The following MTNAP1 variants were observed in gnomAD, a reference collection of about 807,000 sequenced individuals.
MTNAP1 encodes the protein mitochondrial nucleoid associated protein 1, also known as mitochondrial nucleoid-associated protein 1.
the MTNAP1 span, among the ~76,000 whole-genome samples, chr17:73,239,238 C>G: frequency 1.6e-4 from 25 of 151,984 alleles, no homozygotes; most frequent in South Asian, 4.8e-3. Flanking sequence ...GTCCAGCCTT[C>G]TGTGTTTTTC....
chr17:73,232,692 C>A, the MTNAP1 span: 1 of 196,422 alleles, frequency 5.1e-6, no homozygotes, highest in Non-Finnish European at 1.0e-5. Flanking sequence ...GTCGCCGGGG[C>A]CGCCTGGGCT....
the MTNAP1 span, chr17:73,248,593 T>C: frequency 6.6e-7 from 1 of 1,516,228 alleles, no homozygotes; most frequent in Non-Finnish European, 9.0e-7. Context: ...CATATTCACC[T>C]TCCCATCCAT....
the MTNAP1 span, chr17:73,248,248 C>T: frequency 2.1e-6 from 1 of 486,946 alleles, no homozygotes; most frequent in Non-Finnish European, 3.7e-6. Flanking sequence ...CAAGACTCCT[C>T]AGAACGAATA....
At chr17:73,246,510 T>C in the MTNAP1 span, among the ~76,000 whole-genome samples, 9 of 152,202 alleles carry the variant, frequency 5.9e-5, no homozygotes, top group African/African-American at 1.9e-4. Context: ...CATTCCAGCC[T>C]GGGTGATGGA....
At chr17:73,246,001 C>G in the MTNAP1 span, among the ~76,000 whole-genome samples, 1 of 152,086 alleles carries the variant, frequency 6.6e-6, no homozygotes, top group African/African-American at 2.4e-5. Flanking sequence ...TCAAACTATT[C>G]AGTGTCTGAT....
chr17:73,233,764 G>A, the MTNAP1 span, among the ~76,000 whole-genome samples: 1 of 152,080 alleles, frequency 6.6e-6, no homozygotes, highest in Admixed American at 6.6e-5. Context: ...TCCCAGCCAC[G>A]CGGGAGGCTG....
At chr17:73,246,875 C>T in the MTNAP1 span, among the ~76,000 whole-genome samples, 16 of 152,144 alleles carry the variant, frequency 1.1e-4, 1 homozygote, top group East Asian at 2.9e-3. Context: ...GAGCTTTGTG[C>T]CCATTCTCTG....
At chr17:73,236,611 G>A in the MTNAP1 span, 1 of 1,614,168 alleles carries the variant, frequency 6.2e-7, no homozygotes, top group Non-Finnish European at 8.5e-7. Context: ...TCAAAGTCTT[G>A]CCTCTCTAGC....
the MTNAP1 span, chr17:73,248,760 C>G: frequency 2.0e-6 from 1 of 502,222 alleles, no homozygotes; most frequent in Non-Finnish European, 3.5e-6. Context: ...AACCTCGGGG[C>G]GGCCTTGTTT....
the MTNAP1 span, chr17:73,245,176 C>T: frequency 9.3e-6 from 15 of 1,613,416 alleles, no homozygotes; most frequent in Middle Eastern, 1.6e-4. Context: ...AGAGCTGCAG[C>T]GGTGGCGTAA....
the MTNAP1 span, chr17:73,242,952 C>G: frequency 6.2e-7 from 1 of 1,614,026 alleles, no homozygotes; most frequent in South Asian, 1.1e-5. Flanking sequence ...CATCACGATG[C>G]TCTTCACAGG....
the MTNAP1 span, among the ~76,000 whole-genome samples, chr17:73,234,444 C>A: frequency 3.3e-4 from 40 of 119,810 alleles, no homozygotes; most frequent in African/African-American, 1.2e-3. Flanking sequence ...GTAATCCCAG[C>A]ACACTGGAAG....
the MTNAP1 span, chr17:73,236,911 G>C: frequency 1.2e-6 from 2 of 1,613,880 alleles, no homozygotes; most frequent in Non-Finnish European, 8.5e-7. Context: ...TGGACTAGGG[G>C]TGTTGCCAGG....
the MTNAP1 span, among the ~76,000 whole-genome samples, chr17:73,237,972 A>G: frequency 6.6e-6 from 1 of 152,216 alleles, no homozygotes; most frequent in Non-Finnish European, 1.5e-5. Flanking sequence ...AAAACCAGTG[A>G]TTGAGCCTGG....
At chr17:73,234,773 C>CTGTGTGTG in the MTNAP1 span, among the ~76,000 whole-genome samples, 43 of 146,066 alleles carry the variant, frequency 2.9e-4, no homozygotes, top group East Asian at 1.0e-3. Context: ...TTATGTATAT[C>CTGTGTGTG]TGTGTGTGTG....
chr17:73,245,661 G>T, the MTNAP1 span: 3 of 985,316 alleles, frequency 3.0e-6, no homozygotes, highest in Non-Finnish European at 3.6e-6. Context: ...TTTCTTTGGG[G>T]CCCTTGACCA....
chr17:73,245,850 G>C, the MTNAP1 span: 1 of 450,898 alleles, frequency 2.2e-6, no homozygotes, highest in Non-Finnish European at 2.9e-6. Context: ...GGTGGCTAAT[G>C]TATCATCTCT....
At chr17:73,245,190 G>T in the MTNAP1 span, 3 of 1,613,646 alleles carry the variant, frequency 1.9e-6, no homozygotes, top group Admixed American at 5.0e-5. Flanking sequence ...GGCGTAAGTA[G>T]TGTTGACCTG....
the MTNAP1 span, among the ~76,000 whole-genome samples, chr17:73,241,885 T>C: frequency 4.9e-4 from 74 of 152,120 alleles, no homozygotes; most frequent in African/African-American, 1.8e-3. Context: ...GCCAAGATCA[T>C]GCCACTGCAC....
Sources: allele counts gnomAD v4.1 joint callset (sites outside exome capture counted in the v4.1 genomes callset), GRCh38; gene constraint gnomAD v4.1.1; transcripts MANE v1.5; gene names NCBI Gene and HGNC (gene_info 2026-07-23, HGNC 2026-07-21).